ATP8B4: variants seen among roughly 807,000 people sequenced by gnomAD.
ATP8B4 encodes ATPase phospholipid transporting 8B4 (putative).
A neutral mutation model predicts 145.6 loss-of-function variants in ATP8B4; 133 were observed. The observed-to-expected ratio is 0.91, with a 90% CI of 0.79 to 1.05. The LOEUF is 1.05. ATP8B4 is among the 50% of genes least tolerant of loss of function. The pLI is 0.00. For synonymous variants in ATP8B4, 507 were observed against 492.9 expected (o/e 1.03, Z -0.38); for missense variants, 1,458 against 1,425.2 (o/e 1.02, Z -0.37).
chr15:50,023,779 C>CAA (rs60030651), intron 6 of ATP8B4, among the ~76,000 whole-genome samples: 4 of 75,042 alleles, frequency 5.3e-5, no homozygotes, highest in Non-Finnish European at 1.0e-4. Flanking sequence ...AGACCAAAGG[C>CAA]AAAAAAAAAA....
intron 6 of ATP8B4, among the ~76,000 whole-genome samples, chr15:50,034,522 C>T (rs1840780351): frequency 6.6e-6 from 1 of 152,134 alleles, no homozygotes; most frequent in Non-Finnish European, 1.5e-5. Context: ...AGCCACCACA[C>T]CCGGCCATTG....
At chr15:50,170,817 C>T (rs1012990831) in intron 1 of ATP8B4, among the ~76,000 whole-genome samples, 2 of 152,126 alleles carry the variant, frequency 1.3e-5, no homozygotes, top group African/African-American at 4.8e-5. Flanking sequence ...AGGAGACTCA[C>T]CTAACACATA....
chr15:50,135,870 A>C (rs933940308), intron 1 of ATP8B4, among the ~76,000 whole-genome samples: 3 of 152,192 alleles, frequency 2.0e-5, no homozygotes, highest in Non-Finnish European at 4.4e-5. Context: ...GAAGAATGCT[A>C]AATTCTCACT....
chr15:50,096,531 G>C (rs1379793281), intron 2 of ATP8B4, among the ~76,000 whole-genome samples: 1 of 152,092 alleles, frequency 6.6e-6, no homozygotes, highest in Non-Finnish European at 1.5e-5. Context: ...AAAATATATA[G>C]TGTATCCTGT....
chr15:50,158,587 ACC>A (rs1319823018), intron 1 of ATP8B4, among the ~76,000 whole-genome samples: 1 of 152,018 alleles, frequency 6.6e-6, no homozygotes, highest in East Asian at 1.9e-4. Context: ...CCCGGCCACC[ACC>A]CCGTCTGGGA....
chr15:49,955,631 T>C (rs985961859), intron 14 of ATP8B4, among the ~76,000 whole-genome samples: 1 of 152,110 alleles, frequency 6.6e-6, no homozygotes, highest in African/African-American at 2.4e-5. Context: ...TAAATGTCCA[T>C]GAATAGACAA....
chr15:50,123,872 A>G (rs1433984116), upstream of ATP8B4, among the ~76,000 whole-genome samples: 1 of 152,144 alleles, frequency 6.6e-6, no homozygotes, highest in African/African-American at 2.4e-5. Context: ...TTCCCCAAGC[A>G]TATCCTTTCC....
intron 3 of ATP8B4, among the ~76,000 whole-genome samples, chr15:50,056,682 T>C (rs191905060): frequency 0.01 from 1,459 of 145,780 alleles, 10 homozygotes; most frequent in Non-Finnish European, 0.015. Context: ...CTATACACAA[T>C]ATATGTATAT....
At chr15:50,144,429 T>C (rs913148869) in intron 1 of ATP8B4, among the ~76,000 whole-genome samples, 1 of 152,170 alleles carries the variant, frequency 6.6e-6, no homozygotes, top group Non-Finnish European at 1.5e-5. Context: ...TGGGGAGGCC[T>C]CAGGAAACTT....
At chr15:49,908,445 C>T (rs893310159) in intron 20 of ATP8B4, among the ~76,000 whole-genome samples, 4 of 152,136 alleles carry the variant, frequency 2.6e-5, no homozygotes, top group Non-Finnish European at 5.9e-5. Context: ...GCTGGGAGCC[C>T]AGAAAGGCTC....
intron 9 of ATP8B4, among the ~76,000 whole-genome samples, chr15:49,995,326 AT>A (rs1228013001): frequency 6.6e-6 from 1 of 152,200 alleles, no homozygotes; most frequent in Non-Finnish European, 1.5e-5. Flanking sequence ...TCAATGAGGT[AT>A]TTTAAGCAAG....
intron 2 of ATP8B4, among the ~76,000 whole-genome samples, chr15:50,090,358 C>G (rs1285574020): frequency 6.6e-6 from 1 of 152,142 alleles, no homozygotes; most frequent in East Asian, 1.9e-4. Flanking sequence ...TATCCCAGAA[C>G]TTAAATAAAA....
intron 1 of ATP8B4, 63 bp downstream of exon 1, chr15:50,119,060 A>G (rs1323093369): frequency 6.6e-6 from 1 of 152,174 alleles, no homozygotes; most frequent in African/African-American, 2.4e-5. Flanking sequence ...GATCGTTCCA[A>G]CCAGCCCACA....
At chr15:50,137,666 C>T (rs1022084554) in intron 1 of ATP8B4, among the ~76,000 whole-genome samples, 7 of 152,182 alleles carry the variant, frequency 4.6e-5, no homozygotes, top group Non-Finnish European at 8.8e-5. Context: ...TGTCACTGTG[C>T]ACCATGAGGC....
Position 49,981,238 on chromosome 15 carries a change from T to C in ATP8B4, c.805A>G (p.Ile269Val), listed in dbSNP as rs955752363. The C allele has an allele frequency of 3.4e-5, 55 of 1,610,674 alleles. No individual in the cohort carries two copies. Among genetic ancestry groups the C allele is most frequent in the Non-Finnish European group, 4.6e-5 (54 of 1,178,572 alleles). ...SGKTKFKRTS[I>V]DRLMNTLVLW... Reference sequence around the variant, plus strand: ...ACTAGAGTATTCATCAATCTATCAATGCTTGTCCTTTTAAACTTTGTCTTA... The same window carrying C: ...ACTAGAGTATTCATCAATCTATCAACGCTTGTCCTTTTAAACTTTGTCTTA... The change falls in exon 11 of 28, where the codon ATT becomes GTT. Residue 269 changes from isoleucine (I) to valine (V), a missense_variant. Ile to Val is a conservative substitution (Grantham distance 29). Transcript: ENST00000284509.
chr15:50,100,209 A>C (rs76357327), intron 2 of ATP8B4, among the ~76,000 whole-genome samples: 1,645 of 152,224 alleles, frequency 0.011, 30 homozygotes, highest in African/African-American at 0.038. Context: ...AGTGCATAGA[A>C]ATGTAAGGGC....
intron 20 of ATP8B4, among the ~76,000 whole-genome samples, chr15:49,916,656 A>G (rs956561118): frequency 6.6e-6 from 1 of 152,186 alleles, no homozygotes; most frequent in Admixed American, 6.5e-5. Flanking sequence ...CCAAAGCACA[A>G]TTTTAAAGGA....
chr15:49,953,612 C>T (rs1056924458), intron 14 of ATP8B4, among the ~76,000 whole-genome samples: 1 of 152,168 alleles, frequency 6.6e-6, no homozygotes, highest in African/African-American at 2.4e-5. Context: ...GCTGCCCTTC[C>T]CCCACCCAAG....
chr15:49,869,720 G>A (rs572347499), intron 25 of ATP8B4, among the ~76,000 whole-genome samples: 1 of 152,140 alleles, frequency 6.6e-6, no homozygotes, highest in Admixed American at 6.5e-5. Context: ...GGAAGTCTAT[G>A]GCGAACCTTT....
Sources: gnomAD v4.1 joint callset for allele counts (sites outside exome capture counted in the v4.1 genomes callset) on GRCh38, gnomAD v4.1.1 for gene constraint, MANE v1.5 for transcripts, NCBI Gene and HGNC (gene_info 2026-07-23, HGNC 2026-07-21) for gene names.